Variants in GPC5 observed in about 807,000 individuals in gnomAD.
GPC5 encodes the protein glypican 5.
A neutral mutation model predicts 53.9 loss-of-function variants in GPC5; 47 were observed. The ratio of observed to expected loss-of-function variants is 0.87; its 90% CI spans 0.69 to 1.11. The LOEUF (loss-of-function observed/expected upper bound fraction) is 1.11. Among genes scored for constraint, GPC5 ranks in the 50% most tolerant of loss-of-function variants. The probability of loss-of-function intolerance (pLI) is 0.00; values close to 1 mark genes in which losing one functional copy is unlikely to be tolerated. For missense variants in GPC5, 748 were observed against 713.1 expected, an observed-to-expected ratio of 1.05 and a Z score of -0.56; for synonymous variants, 286 against 263.3, an observed-to-expected ratio of 1.09 and a Z score of -0.84.
intron 5 of GPC5, among the ~76,000 whole-genome samples, chr13:91,820,010 T>C (rs1222097181): frequency 6.6e-6 from 1 of 152,224 alleles, no homozygotes. Context: ...CTTCCCTCTT[T>C]ACAAAGCATT....
intron 4 of GPC5, among the ~76,000 whole-genome samples, chr13:91,736,588 TAAAAG>T (rs2036820447): frequency 6.6e-6 from 1 of 151,138 alleles, no homozygotes; most frequent in African/African-American, 2.5e-5. Flanking sequence ...TTAATTAAAA[TAAAAG>T]GAAAGATTAC....
chr13:91,522,308 T>C (rs1206997755), intron 2 of GPC5, among the ~76,000 whole-genome samples: 1 of 152,144 alleles, frequency 6.6e-6, no homozygotes, highest in Admixed American at 6.5e-5. Flanking sequence ...AAGCCCCCTA[T>C]GGGCTTCAAT....
At chr13:92,234,625 T>TG (rs540784774) in intron 7 of GPC5, among the ~76,000 whole-genome samples, 20 of 150,310 alleles carry the variant, frequency 1.3e-4, no homozygotes, top group South Asian at 6.5e-4. Flanking sequence ...ATGGCGGTGG[T>TG]GGGGGGGTGC....
chr13:92,066,997 G>C (rs758208274), intron 6 of GPC5, among the ~76,000 whole-genome samples: 21 of 152,106 alleles, frequency 1.4e-4, no homozygotes, highest in Non-Finnish European at 2.4e-4. Flanking sequence ...CAATATTAAG[G>C]CTGTAGCCGC....
intron 2 of GPC5, among the ~76,000 whole-genome samples, chr13:91,601,419 G>A (rs75303952): frequency 0.012 from 1,807 of 152,244 alleles, 29 homozygotes; most frequent in African/African-American, 0.042. Context: ...CTAAGAGGTC[G>A]TGAATGAGAT....
chr13:92,017,952 T>G (rs775414862), intron 6 of GPC5, among the ~76,000 whole-genome samples: 19 of 151,114 alleles, frequency 1.3e-4, no homozygotes, highest in African/African-American at 1.9e-4. Context: ...CACATACACA[T>G]GCACGAGTAC....
At chr13:92,816,569 T>A (rs746402236) in intron 7 of GPC5, among the ~76,000 whole-genome samples, 1 of 152,038 alleles carries the variant, frequency 6.6e-6, no homozygotes. Context: ...AGCACTGGCT[T>A]CTTCATTCTC....
At chr13:92,670,151 A>C (rs1483432933) in intron 7 of GPC5, among the ~76,000 whole-genome samples, 20 of 152,106 alleles carry the variant, frequency 1.3e-4, no homozygotes. Context: ...TGTTGTACGC[A>C]TGTGTGAGGA....
rs1183115596 is a variant in GPC5, at chr13:92,612,970, G to T, written c.1562-253312G>T. Among the ~76,000 whole-genome samples the T allele has an allele frequency of 1.2e-4, 18 of 151,654 alleles. No homozygotes were observed. In the South Asian group the frequency reaches 2.5e-3, roughly 21 times the overall value. On this transcript the variant is annotated intron_variant, in intron 7 of 7. Coordinates refer to ENST00000377067, the MANE Select transcript of GPC5 (RefSeq NM_004466.6). ...TGTATTAATCCTTATAACACTCCTA[G>T]TAGGCACTGTCAATATGCCCATTTT...
At chr13:91,931,204 A>G (rs550160450) in intron 6 of GPC5, among the ~76,000 whole-genome samples, 1 of 152,106 alleles carries the variant, frequency 6.6e-6, no homozygotes, top group Non-Finnish European at 1.5e-5. Flanking sequence ...CTTCTGAGGC[A>G]TTCCTGCATT....
intron 6 of GPC5, among the ~76,000 whole-genome samples, chr13:91,928,294 TC>T (rs1047651601): frequency 3.9e-5 from 6 of 152,300 alleles, no homozygotes; most frequent in African/African-American, 1.4e-4. Flanking sequence ...TAATGAGTAT[TC>T]TCTCTACCTG....
At position 91,569,648 on chromosome 13, in the gene GPC5, C is replaced by T. The variant is rs117982293; in HGVS notation, c.325+120726C>T. 2.8e-3 allele frequency among the ~76,000 whole-genome samples: 422 copies of T among 152,164 alleles called. 1 individual carries two copies. The highest frequency in any genetic ancestry group is 4.9e-3 in the Non-Finnish European group (332 of 67,990). On this transcript the variant is annotated intron_variant, in intron 2 of 7. Transcript: ENST00000377067. ...GAATGATGGCATCCTTTCCAAAATT[C>T]GTATTGTAGCTTAATCCTCATTTTG...
chr13:92,436,388 T>G (rs1877306130), intron 7 of GPC5, among the ~76,000 whole-genome samples: 1 of 152,180 alleles, frequency 6.6e-6, no homozygotes, highest in South Asian at 2.1e-4. Context: ...CTTTCTCTCA[T>G]TCTTTCTGAT....
chr13:91,918,698 C>A (rs529082078), intron 6 of GPC5, among the ~76,000 whole-genome samples: 1 of 152,132 alleles, frequency 6.6e-6, no homozygotes, highest in Admixed American at 6.5e-5. Flanking sequence ...CAGTTCTTAT[C>A]TCACTGGCTT....
chr13:91,874,556 C>T (rs1188437227), intron 5 of GPC5, among the ~76,000 whole-genome samples: 2 of 152,086 alleles, frequency 1.3e-5, no homozygotes, highest in Non-Finnish European at 2.9e-5. Context: ...GACTACCCTT[C>T]TGTTGAATTT....
intron 7 of GPC5, among the ~76,000 whole-genome samples, chr13:92,855,915 A>T (rs1204009684): frequency 6.6e-6 from 1 of 152,096 alleles, no homozygotes; most frequent in African/African-American, 2.4e-5. Flanking sequence ...TTCACAGCTG[A>T]ATTCTACCAG....
intron 7 of GPC5, among the ~76,000 whole-genome samples, chr13:92,770,414 CAAAAAA>C (rs34087505): frequency 1.3e-5 from 1 of 76,892 alleles, no homozygotes; most frequent in East Asian, 4.5e-4. Context: ...GACCCTGTCT[CAAAAAA>C]AAAAAAAAAA....
rs563951875 is a variant in GPC5 at position 92,474,709 on chromosome 13, C to T, written c.1561+329720C>T. 4.1e-3 allele frequency among the ~76,000 whole-genome samples: 622 copies of T among 151,702 alleles called. 7 individuals are homozygous for T. Among genetic ancestry groups the T allele is most frequent in the African/African-American group, 0.014 (588 of 41,438 alleles). ...AGCTATAAAATGAACTACAAGTACA[C>T]TTTGATTCTGTAAAATTGAGTTACT... On this transcript the variant is annotated intron_variant, in intron 7 of 7. Transcript: ENST00000377067.
intron 7 of GPC5, among the ~76,000 whole-genome samples, chr13:92,428,842 A>C (rs1876956656): frequency 6.6e-6 from 1 of 152,134 alleles, no homozygotes; most frequent in African/African-American, 2.4e-5. Context: ...CTATTAAACA[A>C]AAATATATAT....
Sources: gnomAD v4.1 joint callset for allele counts (sites outside exome capture counted in the v4.1 genomes callset) on GRCh38, gnomAD v4.1.1 for gene constraint, MANE v1.5 for transcripts, NCBI Gene and HGNC (gene_info 2026-07-23, HGNC 2026-07-21) for gene names.